Variants in NAV1 observed in about 807,000 individuals in gnomAD.
NAV1 encodes the protein neuron navigator 1.
NAV1 carries 18 observed loss-of-function variants against 175.2 expected under a neutral mutation model. That is an observed-to-expected ratio of 0.10 (90% confidence interval 0.07 to 0.15). The LOEUF (loss-of-function observed/expected upper bound fraction) is 0.15. NAV1 is among the 10% of genes least tolerant of loss of function. The pLI is 1.00. For synonymous variants in NAV1, 897 were observed against 978.7 expected, an observed-to-expected ratio of 0.92 and a Z score of 1.56; for missense variants, 1,731 against 2,436.6, an observed-to-expected ratio of 0.71 and a Z score of 6.10.
At chr1:201,688,110 C>T (rs576303218) in intron 1 of NAV1, 5 of 152,328 alleles carry the variant, frequency 3.3e-5, no homozygotes, top group South Asian at 4.1e-4. Flanking sequence ...GTATTACTCA[C>T]GTAGCAAGGT....
At chr1:201,696,136 G>C (rs1397229841) in intron 1 of NAV1, among the ~76,000 whole-genome samples, 3 of 152,124 alleles carry the variant, frequency 2.0e-5, no homozygotes, top group Non-Finnish European at 4.4e-5. Context: ...CAGGGAGTGG[G>C]AGTGGGAGCC....
intron 2 of NAV1, among the ~76,000 whole-genome samples, chr1:201,715,590 G>A (rs548929229): frequency 5.3e-5 from 8 of 152,318 alleles, no homozygotes; most frequent in East Asian, 3.9e-4. Context: ...CCAGAGTCAC[G>A]CTGGCTGATG....
At chr1:201,799,966 C>A (rs941723434) in intron 15 of NAV1, among the ~76,000 whole-genome samples, 3 of 151,012 alleles carry the variant, frequency 2.0e-5, no homozygotes, top group Admixed American at 6.6e-5. Context: ...ATATACTTTG[C>A]TACCCTTTAT....
intron 1 of NAV1, among the ~76,000 whole-genome samples, chr1:201,690,329 G>A (rs891885944): frequency 1.1e-5 from 1 of 92,220 alleles, no homozygotes; most frequent in Non-Finnish European, 2.5e-5. Flanking sequence ...TCCATGCAGT[G>A]TGTGTCTGTT....
At chr1:201,789,070 G>A (rs1015687247) in intron 10 of NAV1, among the ~76,000 whole-genome samples, 8 of 152,140 alleles carry the variant, frequency 5.3e-5, no homozygotes, top group Admixed American at 4.6e-4. Flanking sequence ...TTTCAAAAAT[G>A]TTCCAAAGAT....
At chr1:201,623,124 G>A in exon 1 of NAV1, 1 of 986,044 alleles carries the variant, frequency 1.0e-6, no homozygotes, top group Non-Finnish European at 1.2e-6. Context: ...GCTCTCCCAA[G>A]TTTGCTGGGG....
intron 1 of NAV1, among the ~76,000 whole-genome samples, chr1:201,706,094 C>T (rs1034540326): frequency 3.9e-5 from 6 of 152,090 alleles, no homozygotes; most frequent in Admixed American, 6.5e-5. Context: ...AAAATGATTC[C>T]CAAAGACGTT....
intron 1 of NAV1, among the ~76,000 whole-genome samples, chr1:201,554,333 G>A (rs1290861097): frequency 6.6e-6 from 1 of 152,216 alleles, no homozygotes; most frequent in Non-Finnish European, 1.5e-5. Context: ...TTTACCAGCA[G>A]GACGGCCCTA....
intron 28 of NAV1, among the ~76,000 whole-genome samples, chr1:201,815,855 C>G (rs1389390397): frequency 2.6e-5 from 4 of 152,136 alleles, no homozygotes; most frequent in African/African-American, 9.7e-5. Context: ...TCTCCTGCCT[C>G]AGCCTCCCAA....
chr1:201,553,798 C>A (rs758630227), intron 1 of NAV1, among the ~76,000 whole-genome samples: 1 of 152,216 alleles, frequency 6.6e-6, no homozygotes, highest in Non-Finnish European at 1.5e-5. Flanking sequence ...CTTAGCTCAG[C>A]ATAATGTTTT....
At chr1:201,574,311 T>A (rs938328190) in intron 1 of NAV1, among the ~76,000 whole-genome samples, 3 of 152,006 alleles carry the variant, frequency 2.0e-5, no homozygotes, top group Non-Finnish European at 2.9e-5. Flanking sequence ...GAGAGAGACA[T>A]TCATTCTCTG....
chr1:201,718,408 C>T lies in NAV1; in HGVS notation c.879C>T (p.Cys293=). Residue 293 remains cysteine, a synonymous_variant, in exon 3 of 30, where the codon TGC becomes TGT. Coordinates refer to ENST00000367296, the Ensembl canonical transcript of NAV1. The surrounding 1 kb of genome is among the most constrained non-coding windows in gnomAD (Gnocchi z 4.8). Reference sequence around the variant, plus strand: ...CACCCAGCTCCCTGGAGATGACCTGCTACGACAGCGATGATGCCAACCCAC... The same window carrying T: ...CACCCAGCTCCCTGGAGATGACCTGTTACGACAGCGATGATGCCAACCCAC... The T allele has an allele frequency of 6.5e-7, 1 of 1,543,490 alleles. No individual in the cohort carries two copies.
chr1:201,723,621 T>C (rs576025155), intron 3 of NAV1: 3 of 152,244 alleles, frequency 2.0e-5, no homozygotes, highest in Non-Finnish European at 4.4e-5. Flanking sequence ...GCAGAATCTC[T>C]GCTACCCAGA....
chr1:201,732,640 G>A (rs77023169), intron 3 of NAV1, among the ~76,000 whole-genome samples: 11 of 152,218 alleles, frequency 7.2e-5, no homozygotes, highest in Non-Finnish European at 1.2e-4. Flanking sequence ...TTTGTGCTTC[G>A]GTGTCATTAT....
chr1:201,574,975 G>A (rs537276000), intron 1 of NAV1, among the ~76,000 whole-genome samples: 4 of 152,320 alleles, frequency 2.6e-5, no homozygotes, highest in African/African-American at 7.2e-5. Flanking sequence ...ATGGGGAGAG[G>A]AAAGCTGCAA....
At chr1:201,741,106 C>T (rs1469046431) in intron 3 of NAV1, among the ~76,000 whole-genome samples, 3 of 152,150 alleles carry the variant, frequency 2.0e-5, no homozygotes, top group Admixed American at 2.0e-4. Context: ...CCTCATATTG[C>T]TCGAAGGGAG....
chr1:201,739,087 C>G (rs995914258), intron 3 of NAV1, among the ~76,000 whole-genome samples: 10 of 152,116 alleles, frequency 6.6e-5, no homozygotes, highest in Non-Finnish European at 1.5e-4. Context: ...TGGGAGGACC[C>G]TGCTACTGGA....
chr1:201,746,780 C>T lies in NAV1; in HGVS notation c.1226+28025C>T, dbSNP rs187924047. ...CTTTGGGAGGCTGAGGCAGGTGGAT[C>T]GCTTGAGCCTAGGAGTTTAAGACCA... On this transcript the variant is annotated intron_variant, in intron 3 of 29. Transcript: ENST00000367296. 2.8e-3 allele frequency among the ~76,000 whole-genome samples: 425 copies of T among 152,134 alleles called. 2 individuals are homozygous for T. Among genetic ancestry groups the T allele is most frequent in the African/African-American group, 9.4e-3 (389 of 41,494 alleles).
chr1:201,716,058 T>C (rs1016488212), intron 2 of NAV1, among the ~76,000 whole-genome samples: 2 of 152,110 alleles, frequency 1.3e-5, no homozygotes, highest in African/African-American at 4.8e-5. Context: ...GAGGCAATTT[T>C]AGTACAAATA....
Sources: gnomAD v4.1 joint callset for allele counts (sites outside exome capture counted in the v4.1 genomes callset) on GRCh38, gnomAD v4.1.1 for gene constraint, Gnocchi (gnomAD v3.1) non-coding constraint, MANE v1.5 for transcripts, NCBI Gene and HGNC (gene_info 2026-07-23, HGNC 2026-07-21) for gene names.